The following SPINT2 variants were observed in gnomAD, a reference collection of about 807,000 sequenced individuals.
SPINT2 encodes the protein serine peptidase inhibitor, Kunitz type 2.
Under a neutral mutation model 30.1 loss-of-function variants are expected in SPINT2, and 18 were observed. That is an observed-to-expected ratio of 0.60 (90% CI 0.41 to 0.89). The LOEUF is 0.89. Among genes scored for constraint, SPINT2 ranks in the 40% least tolerant of loss-of-function variants. SPINT2 has a pLI of 0.00. For missense variants in SPINT2, 276 were observed against 334.3 expected (o/e 0.83, Z 1.36); for synonymous variants, 139 against 137.9 (o/e 1.01, Z -0.05).
chr19:38,264,949 G>C lies in SPINT2; in HGVS notation c.57G>C (p.Ser19=). 1 of 1,536,506 alleles carries C rather than the reference G, an allele frequency of 6.5e-7. No individual in the cohort carries two copies. Among genetic ancestry groups the C allele is most frequent in the Non-Finnish European group, 8.7e-7 (1 of 1,145,540 alleles). The change falls in exon 1 of 7, where the codon TCG becomes TCC. Residue 19 remains serine (S), a synonymous_variant. Coordinates refer to ENST00000301244, the MANE Select transcript of SPINT2 (RefSeq NM_021102.4). ...RSRAFLALLG[S]LLLSGVLAAD... ...GGGCGTTTCTCGCCCTGCTGGGATC[G>C]CTGCTCCTCTCTGGGGTCCTGGCGG...
chr19:38,282,461 G>C (rs1968590642), intron 1 of SPINT2, among the ~76,000 whole-genome samples: 1 of 152,190 alleles, frequency 6.6e-6, no homozygotes, highest in African/African-American at 2.4e-5. Context: ...CACACAGCCA[G>C]GCTGTTTTCT....
intron 1 of SPINT2, among the ~76,000 whole-genome samples, chr19:38,267,554 T>C (rs1968394215): frequency 6.7e-6 from 1 of 150,174 alleles, no homozygotes; most frequent in Non-Finnish European, 1.5e-5. Context: ...ACCAGACAGA[T>C]AGGATGCAGT....
At chr19:38,284,588 AC>A (rs1311588656) in intron 2 of SPINT2, among the ~76,000 whole-genome samples, 1 of 152,122 alleles carries the variant, frequency 6.6e-6, no homozygotes, top group Non-Finnish European at 1.5e-5. Flanking sequence ...GAGCAAAACA[AC>A]AGGGCAGAGC....
At position 38,283,614 on chromosome 19, in the gene SPINT2, C is replaced by T; in HGVS notation, c.107-13C>T. On this transcript the variant is annotated splice_polypyrimidine_tract_variant and intron_variant, in intron 1 of 6. Coordinates refer to ENST00000301244, the MANE Select transcript of SPINT2 (RefSeq NM_021102.4). ...GCCCTGCCAAGCTAACCGGGTTGTGCTTCGCGTTTCAGACTTCTGCCTGGT... is the reference window on the plus strand; with the variant it reads ...GCCCTGCCAAGCTAACCGGGTTGTGTTTCGCGTTTCAGACTTCTGCCTGGT... 1 of 1,613,890 alleles carries T rather than the reference C, an allele frequency of 6.2e-7. No homozygotes were observed. Among genetic ancestry groups the T allele is most frequent in the East Asian group, 2.2e-5 (1 of 44,866 alleles).
chr19:38,270,355 C>T (rs556946718), intron 1 of SPINT2, among the ~76,000 whole-genome samples: 2 of 152,200 alleles, frequency 1.3e-5, no homozygotes, highest in South Asian at 4.1e-4. Flanking sequence ...AGTTCGAAAT[C>T]TTATTCACTG....
chr19:38,267,016 C>G (rs1303088688), intron 1 of SPINT2, among the ~76,000 whole-genome samples: 1 of 152,174 alleles, frequency 6.6e-6, no homozygotes, highest in Non-Finnish European at 1.5e-5. Context: ...TGCCATTTAA[C>G]CTTTGAAACA....
chr19:38,277,628 G>A (rs188687907), intron 1 of SPINT2, among the ~76,000 whole-genome samples: 3 of 152,258 alleles, frequency 2.0e-5, no homozygotes, highest in East Asian at 1.9e-4. Flanking sequence ...CTTAGTCACC[G>A]GCTGATTGTC....
chr19:38,288,603 T>C (rs1277474636), intron 3 of SPINT2: 2 of 197,510 alleles, frequency 1.0e-5, no homozygotes, highest in Non-Finnish European at 2.1e-5. Flanking sequence ...GCACCCCTGC[T>C]GGAGGATGGG....
chr19:38,272,757 G>T (rs922791741), intron 1 of SPINT2, among the ~76,000 whole-genome samples: 1 of 152,104 alleles, frequency 6.6e-6, no homozygotes, highest in African/African-American at 2.4e-5. Context: ...AGTCTCTGTC[G>T]CCCAGACTCT....
intron 1 of SPINT2, among the ~76,000 whole-genome samples, chr19:38,274,304 CAAT>C (rs931273239): frequency 3.3e-5 from 5 of 151,838 alleles, no homozygotes; most frequent in Admixed American, 6.6e-5. Flanking sequence ...ATCTTCACAA[CAAT>C]GTTTTTTCTT....
intron 4 of SPINT2, 69 bp downstream of exon 4, chr19:38,289,260 G>A (rs1412822567): frequency 3.3e-5 from 45 of 1,373,636 alleles, no homozygotes; most frequent in Non-Finnish European, 4.6e-5. Context: ...AGGCTGAGGT[G>A]GGCGGATCAC....
chr19:38,284,715 C>T (rs1968621569), intron 2 of SPINT2, among the ~76,000 whole-genome samples: 1 of 152,166 alleles, frequency 6.6e-6, no homozygotes, highest in Non-Finnish European at 1.5e-5. Flanking sequence ...TCCACTCCGA[C>T]AGGGCTGCCC....
intron 2 of SPINT2, 70 bp downstream of exon 2, chr19:38,283,867 A>G (rs1422309735): frequency 1.4e-5 from 18 of 1,330,736 alleles, no homozygotes; most frequent in Middle Eastern, 2.9e-4. Flanking sequence ...TTTGAGACGG[A>G]GTCTTGCTCT....
At chr19:38,285,799 A>G (rs1322188656) in intron 2 of SPINT2, among the ~76,000 whole-genome samples, 1 of 152,060 alleles carries the variant, frequency 6.6e-6, no homozygotes, top group Non-Finnish European at 1.5e-5. Flanking sequence ...TTCTATCGTC[A>G]GCTGTGATTC....
At chr19:38,282,607 A>C (rs1462914195) in intron 1 of SPINT2, among the ~76,000 whole-genome samples, 1 of 152,182 alleles carries the variant, frequency 6.6e-6, no homozygotes, top group Non-Finnish European at 1.5e-5. Flanking sequence ...GAATTTTATA[A>C]CATTGGCTTT....
chr19:38,275,788 C>CAATG (rs1968510704), intron 1 of SPINT2, among the ~76,000 whole-genome samples: 1 of 145,322 alleles, frequency 6.9e-6, no homozygotes, highest in African/African-American at 2.6e-5. Flanking sequence ...GGCTGGAGTG[C>CAATG]AATGGATCAG....
chr19:38,266,831 G>T (rs1257139226), intron 1 of SPINT2, among the ~76,000 whole-genome samples: 1 of 152,200 alleles, frequency 6.6e-6, no homozygotes, highest in Non-Finnish European at 1.5e-5. Flanking sequence ...GAATGCAGAC[G>T]TTGATCATTC....
chr19:38,269,631 C>T (rs531318194), intron 1 of SPINT2, among the ~76,000 whole-genome samples: 213 of 126,014 alleles, frequency 1.7e-3, no homozygotes, highest in Admixed American at 3.6e-3. Flanking sequence ...TTTTTTGAGA[C>T]GGAGTGTCTC....
At chr19:38,284,608 G>C (rs1968620456) in intron 2 of SPINT2, among the ~76,000 whole-genome samples, 1 of 152,194 alleles carries the variant, frequency 6.6e-6, no homozygotes, top group African/African-American at 2.4e-5. Flanking sequence ...GCTGGGGCCA[G>C]CGTGACCCAG....
Sources: gnomAD v4.1 joint callset for allele counts (sites outside exome capture counted in the v4.1 genomes callset) on GRCh38, gnomAD v4.1.1 for gene constraint, MANE v1.5 for transcripts, NCBI Gene and HGNC (gene_info 2026-07-23, HGNC 2026-07-21) for gene names.